LIPI: variants seen among roughly 807,000 people sequenced by gnomAD.
LIPI encodes lipase member I.
A neutral mutation model predicts 50.6 loss-of-function variants in LIPI; 59 were observed. The observed-to-expected ratio is 1.16, with a 90% CI of 0.94 to 1.45. The LOEUF is 1.45. Ranked by LOEUF, LIPI falls within the 40% of genes most tolerant of loss-of-function variation. The probability of loss-of-function intolerance (pLI) is 0.00; values close to 1 mark genes in which losing one functional copy is unlikely to be tolerated. For synonymous variants in LIPI, 203 were observed against 178.2 expected, an observed-to-expected ratio of 1.14 and a Z score of -1.11; for missense variants, 586 against 536.3, an observed-to-expected ratio of 1.09 and a Z score of -0.92.
chr21:14,170,648 T>C (rs2018863493), intron 4 of LIPI, among the ~76,000 whole-genome samples: 2 of 152,216 alleles, frequency 1.3e-5, no homozygotes, highest in African/African-American at 4.8e-5. Flanking sequence ...GAAAAGTTTT[T>C]TGACAAAATT....
chr21:14,192,957 G>A (rs1231201638), intron 1 of LIPI, among the ~76,000 whole-genome samples: 1 of 152,086 alleles, frequency 6.6e-6, no homozygotes, highest in Non-Finnish European at 1.5e-5. Context: ...ACAAATATAT[G>A]ACAAATAAAA....
rs186789459 is a variant in LIPI, at chr21:14,121,123, G to A, written c.1296-12043C>T. ...ACAGAAAAGGCATGAGAAATAACCA[G>A]GATATTATTAAAAGATATTATTCTT... On this transcript the variant is annotated intron_variant, in intron 9 of 9. Coordinates refer to ENST00000681601, the MANE Select transcript of LIPI (RefSeq NM_001302998.2). 2.6e-3 allele frequency among the ~76,000 whole-genome samples: 396 copies of A among 152,232 alleles called. 4 individuals carry two copies. The highest frequency in any genetic ancestry group is 9.1e-3 in the African/African-American group (377 of 41,510).
intron 4 of LIPI, 90 bp from the exon 5 acceptor site, chr21:14,166,541 A>C: frequency 1.3e-6 from 1 of 758,372 alleles, no homozygotes. Flanking sequence ...ATCCATTGAA[A>C]GTTACTCTTT....
intron 4 of LIPI, among the ~76,000 whole-genome samples, chr21:14,169,198 T>C (rs936569151): frequency 7.9e-5 from 12 of 152,072 alleles, no homozygotes; most frequent in Non-Finnish European, 1.6e-4. Context: ...TACAGGAGCA[T>C]CCAGATTCAT....
intron 8 of LIPI, among the ~76,000 whole-genome samples, chr21:14,147,072 C>T (rs963895639): frequency 6.6e-6 from 1 of 152,086 alleles, no homozygotes; most frequent in African/African-American, 2.4e-5. Flanking sequence ...CCACCATGCC[C>T]AGCCCCAGCC....
Position 14,165,146 on chromosome 21 carries a change from G to C in LIPI, c.901+77C>G, listed in dbSNP as rs1231689716. 47 of 1,142,962 alleles carry C rather than the reference G, an allele frequency of 4.1e-5. No individual in the cohort carries two copies. The Middle Eastern group carries it at 2.2e-3, about 54-fold the overall frequency. 70.8% of individuals were successfully genotyped at this position (1,142,962 alleles called of 1,614,324 possible). On this transcript the variant is annotated intron_variant, in intron 6 of 9. Coordinates refer to ENST00000681601, the MANE Select transcript of LIPI (RefSeq NM_001302998.2). ...ACAAGTAAACAGAGTGCACAGTTTA[G>C]CTTCCAGCAGAAAATACTAACAATT...
At chr21:14,156,106 T>G (rs1430034699) in intron 7 of LIPI, among the ~76,000 whole-genome samples, 1 of 152,040 alleles carries the variant, frequency 6.6e-6, no homozygotes, top group Non-Finnish European at 1.5e-5. Context: ...ATGAATAATG[T>G]ATGCATATTG....
At position 14,146,259 on chromosome 21, in the gene LIPI, C is replaced by T. The variant is rs115127626; in HGVS notation, c.1119-1460G>A. Among the ~76,000 whole-genome samples, 1,394 of 151,286 alleles carry T rather than the reference C, an allele frequency of 9.2e-3. 22 individuals are homozygous for T. The highest frequency in any genetic ancestry group is 0.031 in the African/African-American group (1,294 of 41,184). Reference sequence around the variant, plus strand: ...GCTCACTAGGTTCAAATCTAAATGACTCATCTTCTCCAACACTTTCTCCAA... The same window carrying T: ...GCTCACTAGGTTCAAATCTAAATGATTCATCTTCTCCAACACTTTCTCCAA... On this transcript the variant is annotated intron_variant, in intron 8 of 9. Transcript: ENST00000681601.
At chr21:14,185,882 C>CAA (rs200600449) in intron 3 of LIPI, 79 bp downstream of exon 3, 11,999 of 711,714 alleles carry the variant, frequency 0.017, 28 homozygotes, top group South Asian at 0.028. Context: ...GACTCTGTCT[C>CAA]AAAAAAAAAA....
At chr21:14,158,594 TATATATATTAAA>T (rs1169176051) in intron 7 of LIPI, among the ~76,000 whole-genome samples, 2 of 145,510 alleles carry the variant, frequency 1.4e-5, no homozygotes, top group African/African-American at 5.2e-5. Context: ...ATATATTTTA[TATATATATTAAA>T]ATATATATAT....
chr21:14,117,165 G>A (rs2016679604), intron 9 of LIPI, among the ~76,000 whole-genome samples: 1 of 152,212 alleles, frequency 6.6e-6, no homozygotes. Flanking sequence ...CTATTTAGAT[G>A]CACAAAATGA....
intron 9 of LIPI, among the ~76,000 whole-genome samples, chr21:14,139,500 A>T (rs550869130): frequency 6.6e-6 from 1 of 152,260 alleles, no homozygotes; most frequent in East Asian, 1.9e-4. Context: ...TTTAGTGCCC[A>T]ATATGTACCA....
intron 9 of LIPI, among the ~76,000 whole-genome samples, chr21:14,128,693 C>A (rs1453832690): frequency 2.6e-5 from 4 of 152,026 alleles, no homozygotes; most frequent in Non-Finnish European, 5.9e-5. Flanking sequence ...TCATCCAAAG[C>A]ATGCATGTTG....
At chr21:14,201,064 A>G (rs762699421) in intron 1 of LIPI, among the ~76,000 whole-genome samples, 12 of 152,160 alleles carry the variant, frequency 7.9e-5, no homozygotes, top group Non-Finnish European at 1.2e-4. Flanking sequence ...CATATGAAGA[A>G]GATTGAAACT....
intron 8 of LIPI, among the ~76,000 whole-genome samples, chr21:14,150,629 A>G (rs977692248): frequency 1.3e-5 from 2 of 152,190 alleles, no homozygotes; most frequent in African/African-American, 4.8e-5. Context: ...TTTGATAAGA[A>G]TAAATAATAG....
chr21:14,109,178 G>T, intron 9 of LIPI, 98 bp from the exon 10 acceptor site: 1 of 901,792 alleles, frequency 1.1e-6, no homozygotes, highest in Non-Finnish European at 1.8e-6. Flanking sequence ...GTCCATGCCT[G>T]TAACTAGCTA....
At chr21:14,149,040 A>G (rs1356997435) in intron 8 of LIPI, among the ~76,000 whole-genome samples, 3 of 152,118 alleles carry the variant, frequency 2.0e-5, no homozygotes, top group African/African-American at 4.8e-5. Flanking sequence ...TTCATGTGCA[A>G]TTTTTGAATT....
chr21:14,138,619 T>C (rs2017593566), intron 9 of LIPI, among the ~76,000 whole-genome samples: 1 of 152,068 alleles, frequency 6.6e-6, no homozygotes, highest in African/African-American at 2.4e-5. Context: ...ATTATATATT[T>C]GGAAAAAATT....
chr21:14,188,704 C>T (rs1422959659), intron 2 of LIPI, among the ~76,000 whole-genome samples: 1 of 151,816 alleles, frequency 6.6e-6, no homozygotes, highest in Non-Finnish European at 1.5e-5. Context: ...CCCCCACCCA[C>T]ATAGGATAAC....
Sources: gnomAD v4.1 joint callset for allele counts (sites outside exome capture counted in the v4.1 genomes callset) on GRCh38, gnomAD v4.1.1 for gene constraint, MANE v1.5 for transcripts, NCBI Gene and HGNC (gene_info 2026-07-23, HGNC 2026-07-21) for gene names.